Variants in RAPGEF6 observed in about 807,000 individuals in gnomAD.
RAPGEF6 encodes PDZ domain containing guanine nucleotide exchange factor (GEF) 2.
A neutral mutation model predicts 171.4 loss-of-function variants in RAPGEF6; 56 were observed. The observed-to-expected ratio is 0.33, with a 90% CI of 0.26 to 0.41. RAPGEF6 has a LOEUF of 0.41. Ranked by LOEUF, RAPGEF6 falls within the 10% of genes least tolerant of loss-of-function variation. The pLI, the probability that RAPGEF6 is intolerant of heterozygous loss-of-function variation, is 1.00. For synonymous variants in RAPGEF6, 692 were observed against 650.1 expected (o/e 1.06, Z -0.98); for missense variants, 1,674 against 1,921.4 (o/e 0.87, Z 2.41).
At chr5:131,551,637 G>C (rs1760934920) in intron 5 of RAPGEF6, among the ~76,000 whole-genome samples, 1 of 151,660 alleles carries the variant, frequency 6.6e-6, no homozygotes, top group Admixed American at 6.6e-5. Context: ...ATCTACTTTA[G>C]ACAAAAGTCC....
At position 131,635,007 on chromosome 5, in the gene RAPGEF6, G is replaced by A; in HGVS notation, c.24C>T (p.Gly8=). The change falls in exon 1 of 28, where the codon GGC becomes GGT. Residue 8 remains glycine, a synonymous_variant. Transcript: ENST00000509018. MNSPVDP[G]ARQALRKKPP... is the part of the protein sequence containing the mutation. ...GCTTCTTCCTCAACGCCTGCCTAGC[G>A]CCAGGGTCCACGGGTGAGTTCATGG... 1 of 1,613,700 alleles carries A rather than the reference G, an allele frequency of 6.2e-7. No individual in the cohort carries two copies. The highest frequency in any genetic ancestry group is 1.1e-5 in the South Asian group (1 of 91,072).
At chr5:131,578,804 T>C (rs1762754612) in intron 4 of RAPGEF6, among the ~76,000 whole-genome samples, 2 of 152,154 alleles carry the variant, frequency 1.3e-5, no homozygotes, top group African/African-American at 2.4e-5. Flanking sequence ...TAAAAAACAT[T>C]AGCAGTCACT....
intron 21 of RAPGEF6, chr5:131,450,051 A>G: frequency 6.5e-7 from 1 of 1,543,166 alleles, no homozygotes; most frequent in Non-Finnish European, 8.7e-7. Flanking sequence ...TTCTTCCTGT[A>G]AGCAAGAGCC....
chr5:131,510,571 C>A, intron 7 of RAPGEF6, 80 bp from the exon 8 acceptor site: 1 of 1,324,618 alleles, frequency 7.5e-7, no homozygotes, highest in East Asian at 2.3e-5. Flanking sequence ...CAAAACTACC[C>A]ATCCCTACAA....
intron 6 of RAPGEF6, among the ~76,000 whole-genome samples, chr5:131,546,958 A>G (rs1003929546): frequency 2.8e-4 from 43 of 152,256 alleles, no homozygotes; most frequent in African/African-American, 1.0e-3. Context: ...CTTACACAGT[A>G]AAGCAAAATA....
chr5:131,559,908 T>A (rs1761486644), intron 5 of RAPGEF6, among the ~76,000 whole-genome samples: 1 of 151,228 alleles, frequency 6.6e-6, no homozygotes, highest in South Asian at 2.1e-4. Flanking sequence ...CAGATTAAGA[T>A]GACTAACTTA....
intron 18 of RAPGEF6, among the ~76,000 whole-genome samples, chr5:131,462,641 C>G (rs1198149178): frequency 6.6e-6 from 1 of 152,194 alleles, no homozygotes; most frequent in Non-Finnish European, 1.5e-5. Flanking sequence ...CTCATTCCAG[C>G]AAGTGGCACT....
intron 3 of RAPGEF6, among the ~76,000 whole-genome samples, chr5:131,592,684 A>G (rs1763664736): frequency 6.6e-6 from 1 of 152,256 alleles, no homozygotes; most frequent in African/African-American, 2.4e-5. Context: ...ACATACTATA[A>G]AACACCAATA....
chr5:131,581,465 C>A (rs1310556847), intron 4 of RAPGEF6, among the ~76,000 whole-genome samples: 3 of 152,092 alleles, frequency 2.0e-5, no homozygotes, highest in Admixed American at 6.5e-5. Context: ...TGCATCCAGG[C>A]TATCACTAAT....
intron 17 of RAPGEF6, among the ~76,000 whole-genome samples, chr5:131,466,341 T>A (rs1450142122): frequency 6.6e-6 from 1 of 151,768 alleles, no homozygotes; most frequent in Non-Finnish European, 1.5e-5. Flanking sequence ...TTCATTCTGA[T>A]GAGCCAATAC....
At chr5:131,443,786 G>T (rs1235631440) in intron 22 of RAPGEF6, among the ~76,000 whole-genome samples, 2 of 152,102 alleles carry the variant, frequency 1.3e-5, no homozygotes, top group African/African-American at 4.8e-5. Flanking sequence ...TATGCATTTT[G>T]TTCGTTATTA....
intron 17 of RAPGEF6, among the ~76,000 whole-genome samples, chr5:131,465,890 T>C (rs939644621): frequency 3.3e-5 from 5 of 152,246 alleles, no homozygotes; most frequent in African/African-American, 9.6e-5. Flanking sequence ...CAAGTAATTA[T>C]ACTGTTTGTC....
In RAPGEF6 at chr5:131,453,158, A is replaced by G. The variant is rs1753224980; in HGVS notation, c.3096T>C (p.Asp1032=). ...TTAACTTCTCAAAGTTTACTAAACCATCTACTTTGGAGTCATTTCCTATAG... is the reference window on the plus strand; with the variant it reads ...TTAACTTCTCAAAGTTTACTAAACCGTCTACTTTGGAGTCATTTCCTATAG... ...FLHEGNDSKV[D]GLVNFEKLRM... is the part of the protein sequence containing the mutation. Residue 1032 remains aspartate (D), a synonymous_variant, in exon 21 of 28, where the codon GAT becomes GAC. Coordinates refer to ENST00000509018, the MANE Select transcript of RAPGEF6 (RefSeq NM_016340.6). The G allele has an allele frequency of 2.5e-6, 4 of 1,612,542 alleles. No homozygotes were observed. The highest frequency in any genetic ancestry group is 3.4e-6 in the Non-Finnish European group (4 of 1,179,124).
At position 131,461,871 on chromosome 5, in the gene RAPGEF6, A is replaced by T. The variant is rs779499745; in HGVS notation, c.2698T>A (p.Leu900Met). ...KLNSKTGNTHLKRFEDIVNQE... is the reference protein window; with the variant it reads ...KLNSKTGNTHMKRFEDIVNQE... The stretch of plus-strand genomic sequence containing the variant: ...TTTACAATGTCCTCAAACCTCTTCA[A>T]ATGAGTATTTCCTGTTTTGGAATTT... The change falls in exon 19 of 28, where the codon TTG becomes ATG. Residue 900 changes from leucine (L) to methionine (M), a missense_variant. Transcript: ENST00000509018. The T allele has an allele frequency of 6.2e-7, 1 of 1,613,990 alleles. No homozygotes were observed. The highest frequency in any genetic ancestry group is 1.7e-5 in the Admixed American group (1 of 60,000).
chr5:131,476,889 C>T (rs529085054), intron 16 of RAPGEF6, among the ~76,000 whole-genome samples: 1 of 152,292 alleles, frequency 6.6e-6, no homozygotes, highest in East Asian at 1.9e-4. Flanking sequence ...ATTAGCACAC[C>T]AGTCTAAACT....
In RAPGEF6 at chr5:131,490,336, T is replaced by G. The variant is rs148778575; in HGVS notation, c.1732-682A>C. ...GATCAACATAAAAATTTCTAAAGGA[T>G]AAGAAAAAGAGTGAAAAAATATTAG... On this transcript the variant is annotated intron_variant, in intron 14 of 27. Coordinates refer to ENST00000509018, the MANE Select transcript of RAPGEF6 (RefSeq NM_016340.6). Among the ~76,000 whole-genome samples the G allele has an allele frequency of 1.1e-3, 158 of 149,376 alleles. 1 individual carries two copies. Among genetic ancestry groups the G allele is most frequent in the African/African-American group, 3.7e-3 (151 of 40,606 alleles).
intron 15 of RAPGEF6, among the ~76,000 whole-genome samples, chr5:131,485,397 G>A (rs978359717): frequency 2.0e-5 from 3 of 152,206 alleles, no homozygotes; most frequent in Non-Finnish European, 4.4e-5. Flanking sequence ...TTCGAGGAGA[G>A]AGAGAACTTT....
intron 4 of RAPGEF6, among the ~76,000 whole-genome samples, chr5:131,576,038 T>C (rs140158998): frequency 1.3e-5 from 2 of 152,332 alleles, no homozygotes; most frequent in East Asian, 3.9e-4. Flanking sequence ...CCGTACTCAC[T>C]ATTCATTGAA....
At chr5:131,533,962 T>C (rs1759581965) in intron 6 of RAPGEF6, among the ~76,000 whole-genome samples, 1 of 152,156 alleles carries the variant, frequency 6.6e-6, no homozygotes, top group Non-Finnish European at 1.5e-5. Context: ...TTGTTCTTCA[T>C]GCTTCTGCTA....
Sources: allele counts gnomAD v4.1 joint callset (sites outside exome capture counted in the v4.1 genomes callset), GRCh38; gene constraint gnomAD v4.1.1; transcripts MANE v1.5; gene names NCBI Gene and HGNC (gene_info 2026-07-23, HGNC 2026-07-21).